RBFOX1: variants seen among roughly 807,000 people sequenced by gnomAD.
RBFOX1 encodes the protein RNA binding protein fox-1 homolog 1.
RBFOX1 carries 8 observed loss-of-function variants against 57.7 expected under a neutral mutation model. That is an observed-to-expected ratio of 0.14 (90% CI 0.08 to 0.25). RBFOX1 has a LOEUF of 0.25. RBFOX1 is among the 10% of genes least tolerant of loss of function. The probability of loss-of-function intolerance (pLI) is 1.00; values close to 1 mark genes in which losing one functional copy is unlikely to be tolerated. For synonymous variants in RBFOX1, 326 were observed against 222.4 expected, an observed-to-expected ratio of 1.47 and a Z score of -4.15; for missense variants, 611 against 548.5, an observed-to-expected ratio of 1.11 and a Z score of -1.14.
chr16:6,122,441 A>C (rs1730523128), intron 1 of RBFOX1, among the ~76,000 whole-genome samples: 1 of 151,938 alleles, frequency 6.6e-6, no homozygotes, highest in Admixed American at 6.6e-5. Flanking sequence ...TGAATGAACA[A>C]ATGCACTTTA....
At chr16:6,647,096 G>C (rs995861295) in intron 2 of RBFOX1, among the ~76,000 whole-genome samples, 6 of 152,124 alleles carry the variant, frequency 3.9e-5, no homozygotes, top group African/African-American at 1.4e-4. Flanking sequence ...GTCAGGTTCT[G>C]ATGAGCACCC....
chr16:7,298,285 G>GGT, intron 4 of RBFOX1, among the ~76,000 whole-genome samples: 1 of 96,592 alleles, frequency 1.0e-5, no homozygotes, highest in Non-Finnish European at 2.1e-5. Flanking sequence ...GTTTTTTTTT[G>GGT]TTTTTTTTTT....
chr16:6,920,906 G>C (rs1306037694), intron 3 of RBFOX1, among the ~76,000 whole-genome samples: 1 of 152,182 alleles, frequency 6.6e-6, no homozygotes, highest in Non-Finnish European at 1.5e-5. Flanking sequence ...TCAGGGATTA[G>C]GACTTGGACA....
intron 3 of RBFOX1, among the ~76,000 whole-genome samples, chr16:6,896,813 G>GCA (rs2067034356): frequency 6.6e-6 from 1 of 152,162 alleles, no homozygotes; most frequent in Non-Finnish European, 1.5e-5. Context: ...GATCATAGAT[G>GCA]AGTTTATAGG....
chr16:7,292,722 C>A (rs1196957985), intron 4 of RBFOX1, among the ~76,000 whole-genome samples: 1 of 151,870 alleles, frequency 6.6e-6, no homozygotes, highest in East Asian at 1.9e-4. Flanking sequence ...CATATATAGT[C>A]TTTTTCTTAC....
intron 4 of RBFOX1, among the ~76,000 whole-genome samples, chr16:7,283,557 C>G (rs1163436414): frequency 6.6e-6 from 1 of 152,048 alleles, no homozygotes; most frequent in East Asian, 1.9e-4. Flanking sequence ...GGGAAACACC[C>G]TTGACATTCT....
intron 10 of RBFOX1, among the ~76,000 whole-genome samples, chr16:7,628,906 C>G (rs947167607): frequency 1.3e-5 from 2 of 152,184 alleles, no homozygotes; most frequent in Non-Finnish European, 2.9e-5. Flanking sequence ...AGCCACTACA[C>G]CTGGCCGATA....
chr16:6,858,907 C>T (rs1280083982), intron 3 of RBFOX1, among the ~76,000 whole-genome samples: 1 of 151,580 alleles, frequency 6.6e-6, no homozygotes. Flanking sequence ...ATCATGTGGT[C>T]AGTAAGTTCT....
At chr16:6,953,625 G>C (rs545038621) in intron 3 of RBFOX1, among the ~76,000 whole-genome samples, 1 of 152,252 alleles carries the variant, frequency 6.6e-6, no homozygotes, top group South Asian at 2.1e-4. Flanking sequence ...GACTTGAAGT[G>C]ATCCACTCAT....
At chr16:6,880,618 G>T (rs1033662606) in intron 3 of RBFOX1, among the ~76,000 whole-genome samples, 11 of 152,144 alleles carry the variant, frequency 7.2e-5, no homozygotes, top group Admixed American at 3.9e-4. Context: ...AACTGGAAGA[G>T]GCAGGGTGGG....
upstream of RBFOX1, among the ~76,000 whole-genome samples, chr16:6,017,944 G>A (rs750806255): frequency 6.6e-6 from 1 of 152,256 alleles, no homozygotes; most frequent in Middle Eastern, 3.4e-3. Flanking sequence ...ATGAACAGGC[G>A]CCTCAGATCA....
chr16:5,485,187 A>G (rs535905526), intron 2 of RBFOX1, among the ~76,000 whole-genome samples: 149 of 151,528 alleles, frequency 9.8e-4, no homozygotes, highest in African/African-American at 3.6e-3. Context: ...TCTACTAAAA[A>G]TACAAAAAAT....
chr16:7,710,260 T>C, intron 15 of RBFOX1: 1 of 1,082,854 alleles, frequency 9.2e-7, no homozygotes, highest in Non-Finnish European at 1.1e-6. Flanking sequence ...ACATGAGGAA[T>C]GTGTTGGAGA....
chr16:5,457,915 G>A (rs945424808), intron 1 of RBFOX1, among the ~76,000 whole-genome samples: 5 of 151,994 alleles, frequency 3.3e-5, no homozygotes, highest in Admixed American at 2.0e-4. Flanking sequence ...ATGAATAAAC[G>A]AAAGCCATGA....
intron 4 of RBFOX1, among the ~76,000 whole-genome samples, chr16:7,139,591 C>G (rs2073087771): frequency 6.6e-6 from 1 of 152,094 alleles, no homozygotes; most frequent in Non-Finnish European, 1.5e-5. Flanking sequence ...ACTACTACTA[C>G]TTTTATCAGC....
intron 2 of RBFOX1, among the ~76,000 whole-genome samples, chr16:6,652,887 T>C (rs1020629759): frequency 1.3e-5 from 2 of 152,180 alleles, no homozygotes; most frequent in African/African-American, 4.8e-5. Flanking sequence ...GCACCTACCA[T>C]GGTAAAATTG....
intron 1 of RBFOX1, among the ~76,000 whole-genome samples, chr16:5,429,083 A>G (rs1382738331): frequency 1.3e-5 from 2 of 152,140 alleles, no homozygotes; most frequent in Non-Finnish European, 2.9e-5. Context: ...GGGGACCAGG[A>G]AAACCAGCCC....
intron 4 of RBFOX1, among the ~76,000 whole-genome samples, chr16:7,137,850 T>C (rs2072479312): frequency 6.6e-6 from 1 of 152,214 alleles, no homozygotes. Context: ...CACTACATGT[T>C]TTGGCTGATT....
chr16:5,851,843 G>C (rs1178015797), intron 3 of RBFOX1, among the ~76,000 whole-genome samples: 2 of 152,150 alleles, frequency 1.3e-5, no homozygotes, highest in South Asian at 2.1e-4. Context: ...TGAGTCAGTG[G>C]GTGAGTAAAG....
Sources: gnomAD v4.1 joint callset for allele counts (sites outside exome capture counted in the v4.1 genomes callset) on GRCh38, gnomAD v4.1.1 for gene constraint, MANE v1.5 for transcripts, NCBI Gene and HGNC (gene_info 2026-07-23, HGNC 2026-07-21) for gene names.